Variants in DYM observed in about 807,000 individuals in gnomAD.
The protein encoded by DYM is dymeclin.
DYM carries 78 observed loss-of-function variants against 93.1 expected under a neutral mutation model. The ratio of observed to expected loss-of-function variants is 0.84; its 90% confidence interval spans 0.70 to 1.01. The LOEUF is 1.01. Among genes scored for constraint, DYM ranks in the 50% least tolerant of loss-of-function variants. The pLI is 0.00. For missense variants in DYM, 789 were observed against 845.0 expected (o/e 0.93, Z 0.82); for synonymous variants, 321 against 319.7 (o/e 1.00, Z -0.04).
chr18:49,060,401 C>T (rs750886355), intron 17 of DYM, among the ~76,000 whole-genome samples: 1 of 151,994 alleles, frequency 6.6e-6, no homozygotes, highest in Non-Finnish European at 1.5e-5. Context: ...GCTTCCCTCC[C>T]TCCAGAGTCT....
intron 3 of DYM, among the ~76,000 whole-genome samples, chr18:49,387,753 G>A (rs959520511): frequency 6.6e-6 from 1 of 151,910 alleles, no homozygotes; most frequent in African/African-American, 2.4e-5. Flanking sequence ...TAAGCATGGG[G>A]AAACCAAAAA....
chr18:49,170,780 C>CAAAAAAAAA (rs34297501), intron 14 of DYM, among the ~76,000 whole-genome samples: 1 of 31,212 alleles, frequency 3.2e-5, no homozygotes, highest in Non-Finnish European at 5.6e-5. Flanking sequence ...GACTCCGTCT[C>CAAAAAAAAA]AAAAAAAAAA....
At chr18:49,425,710 C>A (rs1165931510) in intron 2 of DYM, among the ~76,000 whole-genome samples, 3 of 152,162 alleles carry the variant, frequency 2.0e-5, no homozygotes, top group Non-Finnish European at 2.9e-5. Flanking sequence ...AAAAATCAAA[C>A]AACCCCCATC....
intron 11 of DYM, among the ~76,000 whole-genome samples, chr18:49,267,365 C>T (rs2094588015): frequency 6.6e-6 from 1 of 152,124 alleles, no homozygotes; most frequent in African/African-American, 2.4e-5. Context: ...TCCAAGTGCA[C>T]TTTACCCCAG....
intron 14 of DYM, among the ~76,000 whole-genome samples, chr18:49,205,519 A>G (rs1319733955): frequency 6.6e-6 from 1 of 152,104 alleles, no homozygotes; most frequent in Non-Finnish European, 1.5e-5. Flanking sequence ...TTTTTAAATT[A>G]TAAAATATAC....
intron 10 of DYM, among the ~76,000 whole-genome samples, chr18:49,279,421 A>G (rs909424750): frequency 1.6e-4 from 25 of 152,262 alleles, no homozygotes; most frequent in African/African-American, 6.0e-4. Flanking sequence ...TACTGATAAC[A>G]TATTTTCTAA....
intron 16 of DYM, among the ~76,000 whole-genome samples, chr18:49,103,580 A>G (rs1473317787): frequency 5.9e-5 from 9 of 152,036 alleles, no homozygotes; most frequent in Admixed American, 1.3e-4. Context: ...ATCTTGAATT[A>G]ATTTTTGTAT....
At chr18:49,269,460 A>C (rs2094635554) in intron 11 of DYM, among the ~76,000 whole-genome samples, 1 of 152,214 alleles carries the variant, frequency 6.6e-6, no homozygotes, top group Non-Finnish European at 1.5e-5. Context: ...TCTTCTGGGC[A>C]TAAGGAAAAT....
In DYM at chr18:49,037,026, T is replaced by G. The variant is rs1208418111; in HGVS notation, c.*7029A>C. Among the ~76,000 whole-genome samples the G allele has an allele frequency of 1.3e-5, 2 of 152,016 alleles. No homozygotes were observed. Among genetic ancestry groups the G allele is most frequent in the African/African-American group, 2.4e-5 (1 of 41,394 alleles). On this transcript the variant is annotated 3_prime_UTR_variant, in exon 18 of 18. Coordinates refer to ENST00000675505, the MANE Select transcript of DYM (RefSeq NM_001353214.3). ...AAGCAATTCTCTTGCCTCAGCCTCC[T>G]GCGTAGCTGGGACTACAGATGCCCA...
At chr18:49,433,209 C>T (rs1484710814) in intron 1 of DYM, among the ~76,000 whole-genome samples, 7 of 152,080 alleles carry the variant, frequency 4.6e-5, no homozygotes, top group Admixed American at 2.6e-4. Context: ...TCACTTGATG[C>T]GTCTAACCTT....
At chr18:49,044,258 A>G in intron 17 of DYM, 54 bp from the exon 18 acceptor site, 1 of 1,605,956 alleles carries the variant, frequency 6.2e-7, no homozygotes, top group South Asian at 1.1e-5. Context: ...CACAAGCAAA[A>G]GTGGTGAGAG....
chr18:49,159,092 T>C (rs948286416), intron 15 of DYM, among the ~76,000 whole-genome samples: 3 of 152,216 alleles, frequency 2.0e-5, no homozygotes, highest in Non-Finnish European at 4.4e-5. Flanking sequence ...TGTATATCTT[T>C]GTATTATTTA....
intron 2 of DYM, among the ~76,000 whole-genome samples, chr18:49,426,124 T>C (rs537991531): frequency 2.0e-5 from 3 of 152,162 alleles, no homozygotes; most frequent in South Asian, 4.2e-4. Flanking sequence ...CTATTCACAA[T>C]AGCAAAGACT....
intron 10 of DYM, among the ~76,000 whole-genome samples, chr18:49,276,607 T>C (rs1226226563): frequency 2.0e-5 from 3 of 152,114 alleles, no homozygotes; most frequent in Non-Finnish European, 2.9e-5. Context: ...TTGAGAGACA[T>C]TAAATTAATT....
rs372647651 is a variant in DYM at position 49,193,077 on chromosome 18, T to A, written c.1625+16474A>T. Among the ~76,000 whole-genome samples, 7 of 152,164 alleles carry A rather than the reference T, an allele frequency of 4.6e-5. No homozygotes were observed. The East Asian group carries it at 5.8e-4, about 13-fold the overall frequency. On this transcript the variant is annotated intron_variant, in intron 14 of 17. Coordinates refer to ENST00000675505, the MANE Select transcript of DYM (RefSeq NM_001353214.3). ...TTCTCGTCACAAAAAATGTTAAATATCGAGGTGATGGATATGCTAACTAGC... is the reference window on the plus strand; with the variant it reads ...TTCTCGTCACAAAAAATGTTAAATAACGAGGTGATGGATATGCTAACTAGC...
At chr18:49,321,370 C>T (rs756741831) in intron 8 of DYM, 1 of 398,140 alleles carries the variant, frequency 2.5e-6, no homozygotes, top group Non-Finnish European at 4.4e-6. Context: ...TCAGTCTTCC[C>T]TTCAAATCTG....
intron 3 of DYM, 61 bp downstream of exon 3, chr18:49,391,532 T>C (rs781482890): frequency 8.9e-6 from 13 of 1,452,866 alleles, no homozygotes; most frequent in Non-Finnish European, 1.3e-5. Flanking sequence ...GTTCATATTA[T>C]ACTATCAAAA....
chr18:49,094,004 T>C (rs962033427), intron 17 of DYM, among the ~76,000 whole-genome samples: 1 of 152,250 alleles, frequency 6.6e-6, no homozygotes, highest in Non-Finnish European at 1.5e-5. Context: ...TTATCAAGTG[T>C]CTTGAGTAAA....
intron 8 of DYM, among the ~76,000 whole-genome samples, chr18:49,304,916 A>AGC (rs2061182641): frequency 6.6e-6 from 1 of 152,004 alleles, no homozygotes; most frequent in African/African-American, 2.4e-5. Flanking sequence ...TCAGCTACCC[A>AGC]GCCCCTTAGT....
Sources: gnomAD v4.1 joint callset for allele counts (sites outside exome capture counted in the v4.1 genomes callset) on GRCh38, gnomAD v4.1.1 for gene constraint, MANE v1.5 for transcripts, NCBI Gene and HGNC (gene_info 2026-07-23, HGNC 2026-07-21) for gene names.